Variants in CCDC7 observed in about 807,000 individuals in gnomAD.
CCDC7 encodes the protein coiled-coil domain containing 7, also known as coiled-coil domain-containing protein 7.
A neutral mutation model predicts 196.9 loss-of-function variants in CCDC7; 183 were observed. The ratio of observed to expected loss-of-function variants is 0.93; its 90% CI spans 0.82 to 1.05. The LOEUF is 1.05. Among genes scored for constraint, CCDC7 ranks in the 50% least tolerant of loss-of-function variants. CCDC7 has a pLI of 0.00. For synonymous variants in CCDC7, 525 were observed against 484.6 expected (o/e 1.08, Z -1.10); for missense variants, 1,540 against 1,482.2 (o/e 1.04, Z -0.64).
chr10:32,701,668 G>T (rs1438942742), intron 24 of CCDC7, among the ~76,000 whole-genome samples: 1 of 152,154 alleles, frequency 6.6e-6, no homozygotes, highest in East Asian at 1.9e-4. Flanking sequence ...AGGTTGGTAG[G>T]CTACTAATTA....
intron 18 of CCDC7, among the ~76,000 whole-genome samples, chr10:32,633,113 T>G (rs975930042): frequency 6.6e-6 from 1 of 152,154 alleles, no homozygotes; most frequent in Non-Finnish European, 1.5e-5. Flanking sequence ...AGTTCACACA[T>G]AGGATTTTAA....
chr10:32,578,242 C>CT (rs1312285890), intron 16 of CCDC7, among the ~76,000 whole-genome samples: 1 of 152,126 alleles, frequency 6.6e-6, no homozygotes, highest in East Asian at 1.9e-4. Flanking sequence ...GTGGTTGGGA[C>CT]TGGAGGCCCG....
At chr10:32,447,941 C>G (rs2031839940), upstream of CCDC7, among the ~76,000 whole-genome samples, 2 of 152,012 alleles carry the variant, frequency 1.3e-5, no homozygotes, top group South Asian at 4.1e-4. Flanking sequence ...TTTGCAGGGG[C>G]TTTGGTTCAA....
chr10:32,478,673 GTTCT>G (rs1295202920), intron 8 of CCDC7, among the ~76,000 whole-genome samples: 2 of 152,046 alleles, frequency 1.3e-5, no homozygotes, highest in Non-Finnish European at 2.9e-5. Flanking sequence ...GTGTTGTATA[GTTCT>G]TTCTATACAT....
At chr10:32,507,395 A>T (rs549735486) in intron 9 of CCDC7, among the ~76,000 whole-genome samples, 132 of 152,288 alleles carry the variant, frequency 8.7e-4, no homozygotes, top group African/African-American at 3.1e-3. Flanking sequence ...TGGAGATTTA[A>T]TCAATTTACA....
chr10:32,562,513 A>G (rs2136709379), intron 13 of CCDC7, among the ~76,000 whole-genome samples: 1 of 152,344 alleles, frequency 6.6e-6, no homozygotes, highest in African/African-American at 2.4e-5. Flanking sequence ...AAATCAATAA[A>G]TGTAATCCAG....
chr10:32,823,344 G>A (rs1593154644), intron 31 of CCDC7, among the ~76,000 whole-genome samples: 1 of 135,228 alleles, frequency 7.4e-6, no homozygotes, highest in South Asian at 2.1e-4. Flanking sequence ...GTTTCACTAT[G>A]TTGGCCAGGC....
intron 22 of CCDC7, among the ~76,000 whole-genome samples, chr10:32,882,383 G>A (rs1408951538): frequency 2.0e-5 from 3 of 152,142 alleles, no homozygotes; most frequent in Admixed American, 6.6e-5. Context: ...GACTTAGTAG[G>A]ATTTTTGCTT....
chr10:32,853,832 C>G (rs1253486397), intron 40 of CCDC7, among the ~76,000 whole-genome samples: 1 of 152,142 alleles, frequency 6.6e-6, no homozygotes, highest in African/African-American at 2.4e-5. Flanking sequence ...CAAAAAGGCT[C>G]ATTCTCTGAC....
chr10:32,567,371 T>TA (rs1437975836), intron 14 of CCDC7, among the ~76,000 whole-genome samples: 1 of 151,994 alleles, frequency 6.6e-6, no homozygotes, highest in East Asian at 1.9e-4. Flanking sequence ...ATGTATACCT[T>TA]ATATGAATTT....
chr10:32,530,732 A>C (rs1331862708), intron 11 of CCDC7, among the ~76,000 whole-genome samples: 1 of 152,080 alleles, frequency 6.6e-6, no homozygotes, highest in Non-Finnish European at 1.5e-5. Context: ...CTTCCTTTAC[A>C]ATTTGGATTC....
intron 18 of CCDC7, among the ~76,000 whole-genome samples, chr10:32,620,150 T>C (rs557720093): frequency 1.3e-5 from 2 of 152,170 alleles, no homozygotes; most frequent in East Asian, 3.9e-4. Flanking sequence ...CTCGATCTCC[T>C]GGCCTCAAAT....
chr10:32,737,370 G>A (rs1403184850), intron 28 of CCDC7, among the ~76,000 whole-genome samples: 1 of 152,060 alleles, frequency 6.6e-6, no homozygotes, highest in Non-Finnish European at 1.5e-5. Context: ...TAGTTTAAAT[G>A]TATTATGGAA....
exon 21 of CCDC7, chr10:32,664,147 A>T: frequency 2.5e-6 from 1 of 396,252 alleles, no homozygotes; most frequent in Non-Finnish European, 4.5e-6. Context: ...TCTTTCCAAG[A>T]TAATCAACTC....
intron 20 of CCDC7, among the ~76,000 whole-genome samples, chr10:32,651,146 C>T (rs539793407): frequency 6.6e-6 from 1 of 152,224 alleles, no homozygotes; most frequent in East Asian, 1.9e-4. Context: ...GGGAGATCTC[C>T]CCTGCCAGCT....
chr10:32,653,564 G>A (rs1035190708), intron 20 of CCDC7, among the ~76,000 whole-genome samples: 1 of 152,132 alleles, frequency 6.6e-6, no homozygotes, highest in South Asian at 2.1e-4. Flanking sequence ...TTCTTGCATG[G>A]ATAGTCATTC....
chr10:32,574,629 T>C (rs2057983796), intron 16 of CCDC7: 1 of 506,036 alleles, frequency 2.0e-6, no homozygotes, highest in Admixed American at 5.1e-5. Context: ...AACAATAGAT[T>C]TTAATAATTT....
At chr10:32,821,862 A>G (rs897489072) in intron 31 of CCDC7, among the ~76,000 whole-genome samples, 2 of 152,172 alleles carry the variant, frequency 1.3e-5, no homozygotes, top group African/African-American at 4.8e-5. Context: ...CTAATGTTAA[A>G]TGATGAGTTA....
chr10:32,781,181 AGAAAAATCCAG>A (rs2081006661), intron 29 of CCDC7, among the ~76,000 whole-genome samples: 1 of 152,170 alleles, frequency 6.6e-6, no homozygotes, highest in Non-Finnish European at 1.5e-5. Flanking sequence ...TTTCCAACAA[AGAAAAATCCAG>A]GACCAGACGA....
Sources: gnomAD v4.1 joint callset for allele counts (sites outside exome capture counted in the v4.1 genomes callset) on GRCh38, gnomAD v4.1.1 for gene constraint, MANE v1.5 for transcripts, NCBI Gene and HGNC (gene_info 2026-07-23, HGNC 2026-07-21) for gene names.